The following IL6R variants were observed in gnomAD, a reference collection of about 807,000 sequenced individuals.
IL6R encodes interleukin-6 receptor subunit alpha.
IL6R carries 38 observed loss-of-function variants against 48.3 expected under a neutral mutation model. The ratio of observed to expected loss-of-function variants is 0.79; its 90% CI spans 0.61 to 1.03. The LOEUF (loss-of-function observed/expected upper bound fraction) is 1.03, where lower values mean the gene tolerates loss of function less well. IL6R is among the 50% of genes least tolerant of loss of function. The probability of loss-of-function intolerance (pLI) is 0.00; values close to 1 mark genes in which losing one functional copy is unlikely to be tolerated. For missense variants in IL6R, 534 were observed against 618.3 expected (o/e 0.86, Z 1.45); for synonymous variants, 264 against 256.2 (o/e 1.03, Z -0.29).
intron 1 of IL6R, among the ~76,000 whole-genome samples, chr1:154,407,775 A>C (rs1687816818): frequency 6.6e-6 from 1 of 152,064 alleles, no homozygotes; most frequent in Admixed American, 6.5e-5. Context: ...AGCTGCCAGG[A>C]CTTCTCAGGT....
chr1:154,407,474 G>A (rs1454505579), intron 1 of IL6R, among the ~76,000 whole-genome samples: 1 of 152,190 alleles, frequency 6.6e-6, no homozygotes, highest in Non-Finnish European at 1.5e-5. Context: ...GACTGGGGAG[G>A]AAGTGAAAGT....
chr1:154,422,876 G>A (rs1164465103), intron 1 of IL6R, among the ~76,000 whole-genome samples: 2 of 152,130 alleles, frequency 1.3e-5, no homozygotes, highest in African/African-American at 2.4e-5. Context: ...GTTCCTCATC[G>A]TGTCTCTTCC....
chr1:154,431,159 G>A (rs2149238614), intron 3 of IL6R, among the ~76,000 whole-genome samples: 1 of 152,228 alleles, frequency 6.6e-6, no homozygotes, highest in South Asian at 2.1e-4. Flanking sequence ...GCCGTGGGGG[G>A]AGAAGTCACG....
At chr1:154,437,801 C>T (rs1209561247) in intron 6 of IL6R, among the ~76,000 whole-genome samples, 1 of 151,772 alleles carries the variant, frequency 6.6e-6, no homozygotes, top group Non-Finnish European at 1.5e-5. Context: ...GCAAGCTCTG[C>T]CTCTTGGGTT....
Position 154,465,441 on chromosome 1 carries a change from A to G in IL6R, c.*61A>G. On this transcript the variant is annotated 3_prime_UTR_variant, in exon 10 of 10. Transcript: ENST00000368485. ...ATGATAAAACACAAACGGGCTCAGC[A>G]AAAGATGCTTCTCACTGCCATGCCA... 6.3e-7 allele frequency: 1 copy of G among 1,586,508 alleles called. No individual in the cohort carries two copies. The highest frequency in any genetic ancestry group is 2.2e-5 in the East Asian group (1 of 44,596).
At position 154,435,248 on chromosome 1, in the gene IL6R, G is replaced by A. The variant is rs28730734; in HGVS notation, c.807+92G>A. 5.4e-4 allele frequency: 681 copies of A among 1,252,180 alleles called. 4 individuals carry two copies. The African/African-American group carries it at 8.6e-3, about 16-fold the overall frequency. 77.6% of individuals were successfully genotyped at this position (1,252,180 alleles called of 1,614,324 possible). On this transcript the variant is annotated intron_variant, in intron 5 of 9. Transcript: ENST00000368485. ...CTAGAGGCCAGGCATGGTGGCTCACGCCTGTAATCCCGGCCCTTTGGGAGG... is the reference window on the plus strand; with the variant it reads ...CTAGAGGCCAGGCATGGTGGCTCACACCTGTAATCCCGGCCCTTTGGGAGG...
At chr1:154,462,119 A>G (rs534772744) in intron 9 of IL6R, among the ~76,000 whole-genome samples, 83 of 152,294 alleles carry the variant, frequency 5.4e-4, no homozygotes, top group Non-Finnish European at 1.0e-3. Context: ...CATTATAACT[A>G]TTAATATATT....
chr1:154,445,850 G>A (rs1028889039), intron 6 of IL6R, among the ~76,000 whole-genome samples: 1 of 152,112 alleles, frequency 6.6e-6, no homozygotes, highest in Admixed American at 6.6e-5. Flanking sequence ...GACTCTGGCG[G>A]GGTTTGGAAA....
intron 8 of IL6R, among the ~76,000 whole-genome samples, chr1:154,451,825 C>T (rs943313629): frequency 1.3e-5 from 2 of 152,044 alleles, no homozygotes; most frequent in Admixed American, 6.6e-5. Context: ...TGTGAGCCAC[C>T]GCGCCTGGCC....
chr1:154,445,598 A>C (rs796232822), intron 6 of IL6R, among the ~76,000 whole-genome samples: 4 of 152,162 alleles, frequency 2.6e-5, no homozygotes, highest in African/African-American at 9.6e-5. Flanking sequence ...AAAATACAAA[A>C]AATTAGGCGG....
intron 4 of IL6R, 93 bp from the exon 5 acceptor site, chr1:154,434,896 TG>T: frequency 7.2e-7 from 1 of 1,387,268 alleles, no homozygotes; most frequent in South Asian, 1.3e-5. Flanking sequence ...TGAACGGGGC[TG>T]GGTGGGGCCC....
rs75435811 is a variant in IL6R at position 154,454,042 on chromosome 1, C to T, written c.1067-446C>T. On this transcript the variant is annotated intron_variant, in intron 8 of 9. Coordinates refer to ENST00000368485, the MANE Select transcript of IL6R (RefSeq NM_000565.4). ...CTGCTTCCAAACACTTGATTTAAAG[C>T]ATCCAATCCTCTCTGACATTGTCCT... is the stretch of plus-strand genomic sequence containing the variant. 1,509 of 173,728 alleles carry T rather than the reference C, an allele frequency of 8.7e-3. 30 individuals are homozygous for T. The highest frequency in any genetic ancestry group is 0.034 in the African/African-American group (1,430 of 42,116). 10.8% of individuals were successfully genotyped at this position (173,728 alleles called of 1,614,324 possible).
intron 3 of IL6R, among the ~76,000 whole-genome samples, chr1:154,433,949 G>A (rs1354942140): frequency 1.3e-5 from 2 of 151,262 alleles, no homozygotes; most frequent in African/African-American, 4.9e-5. Context: ...GGCTGGTCTC[G>A]AACTCCTGAC....
chr1:154,463,977 G>C (rs1691401012), intron 9 of IL6R, among the ~76,000 whole-genome samples: 1 of 152,088 alleles, frequency 6.6e-6, no homozygotes, highest in African/African-American at 2.4e-5. Context: ...GAACTGGGGA[G>C]GTCAGCAACA....
At chr1:154,414,373 C>T (rs1688210548) in intron 1 of IL6R, 1 of 1,407,154 alleles carries the variant, frequency 7.1e-7, no homozygotes, top group Non-Finnish European at 9.9e-7. Flanking sequence ...CTCAGAAGAT[C>T]ATCTCCAGCT....
At chr1:154,421,717 T>C (rs1432541679) in intron 1 of IL6R, among the ~76,000 whole-genome samples, 1 of 152,064 alleles carries the variant, frequency 6.6e-6, no homozygotes, top group Non-Finnish European at 1.5e-5. Flanking sequence ...CCTCCTGGGC[T>C]CAAGTGATCC....
chr1:154,463,363 A>G (rs1691371823), intron 9 of IL6R, among the ~76,000 whole-genome samples: 1 of 152,214 alleles, frequency 6.6e-6, no homozygotes, highest in South Asian at 2.1e-4. Flanking sequence ...GAAGCCCTAA[A>G]TAATATTCTG....
intron 9 of IL6R, among the ~76,000 whole-genome samples, chr1:154,456,109 T>C (rs1009326652): frequency 2.0e-5 from 3 of 151,274 alleles, no homozygotes; most frequent in Non-Finnish European, 4.4e-5. Flanking sequence ...CTGGATGGGG[T>C]GAGTGAAAAT....
At chr1:154,442,196 C>T (rs559370584) in intron 6 of IL6R, among the ~76,000 whole-genome samples, 57 of 152,136 alleles carry the variant, frequency 3.7e-4, no homozygotes, top group African/African-American at 1.3e-3. Context: ...GTGCGTGCCC[C>T]ACTGTAGTAT....
Sources: gnomAD v4.1 joint callset for allele counts (sites outside exome capture counted in the v4.1 genomes callset) on GRCh38, gnomAD v4.1.1 for gene constraint, MANE v1.5 for transcripts, NCBI Gene and HGNC (gene_info 2026-07-23, HGNC 2026-07-21) for gene names.